The following TMEM170B variants were observed in gnomAD, a reference collection of about 807,000 sequenced individuals.
TMEM170B encodes the protein transmembrane protein 170B.
In TMEM170B, 6 loss-of-function variants were observed where a neutral mutation model predicts 13.0. The observed-to-expected ratio is 0.46, with a 90% CI of 0.25 to 0.91. The LOEUF (loss-of-function observed/expected upper bound fraction) is 0.91. Ranked by LOEUF, TMEM170B falls within the 40% of genes least tolerant of loss-of-function variation. The pLI is 0.17. For missense variants in TMEM170B, 138 were observed against 165.2 expected (o/e 0.84, Z 0.90); for synonymous variants, 61 against 64.9 (o/e 0.94, Z 0.29).
intron 2 of TMEM170B, among the ~76,000 whole-genome samples, chr6:11,571,647 C>T (rs934901961): frequency 2.0e-5 from 3 of 152,080 alleles, no homozygotes; most frequent in African/African-American, 4.8e-5. Flanking sequence ...ATATATTAGC[C>T]TCATAAATCA....
rs1166906983 is a variant in TMEM170B at position 11,580,764 on chromosome 6, A to T, written c.*5203A>T. On this transcript the variant is annotated 3_prime_UTR_variant, in exon 3 of 3. Transcript: ENST00000379426. The stretch of plus-strand genomic sequence containing the variant: ...GGAGAGGTAACACACAAAAACAAAA[A>T]CATATTTGACAAAGCGCCCTACATC... 1.3e-5 allele frequency: 2 copies of T among 152,246 alleles called. No homozygotes were observed. Among genetic ancestry groups the T allele is most frequent in the Non-Finnish European group, 2.9e-5 (2 of 68,036 alleles). The allele number at this position is 152,246 out of a possible 1,614,324, so 9.4% of individuals were successfully genotyped here.
chr6:11,570,687 A>G (rs943298998), intron 2 of TMEM170B, among the ~76,000 whole-genome samples: 1 of 152,188 alleles, frequency 6.6e-6, no homozygotes, highest in Admixed American at 6.5e-5. Context: ...ACTAGTTCAT[A>G]TTTGATCCAA....
At position 11,582,597 on chromosome 6, in the gene TMEM170B, G is replaced by A. The variant is rs985293783; in HGVS notation, c.*7036G>A. On this transcript the variant is annotated 3_prime_UTR_variant, in exon 3 of 3. Coordinates refer to ENST00000379426, the MANE Select transcript of TMEM170B (RefSeq NM_001100829.3). ...AAAAAAATGTAGTTAAGAAAATTAA[G>A]TGTGAGACTTTAAAATTTAGTTTTG... 4 of 152,138 alleles carry A rather than the reference G, an allele frequency of 2.6e-5. No individual in the cohort carries two copies. Among genetic ancestry groups the A allele is most frequent in the African/African-American group, 4.8e-5 (2 of 41,416 alleles). The allele number at this position is 152,138 out of a possible 1,614,324, so 9.4% of individuals were successfully genotyped here.
chr6:11,549,068 T>TATA (rs1031948689), intron 1 of TMEM170B, among the ~76,000 whole-genome samples: 16 of 152,004 alleles, frequency 1.1e-4, no homozygotes, highest in African/African-American at 3.6e-4. Context: ...GAACTTAAAG[T>TATA]ATAATAATAA....
chr6:11,571,383 T>C (rs543839906), intron 2 of TMEM170B, among the ~76,000 whole-genome samples: 1 of 152,292 alleles, frequency 6.6e-6, no homozygotes, highest in South Asian at 2.1e-4. Context: ...TCACTTTTCA[T>C]TGGAATGCTC....
chr6:11,545,138 G>C (rs1759416730), intron 1 of TMEM170B, among the ~76,000 whole-genome samples: 1 of 152,092 alleles, frequency 6.6e-6, no homozygotes, highest in Non-Finnish European at 1.5e-5. Context: ...CTGGGAAAAA[G>C]ATGAGGGCTG....
At chr6:11,565,134 C>T (rs555540531) in intron 1 of TMEM170B, among the ~76,000 whole-genome samples, 58 of 152,132 alleles carry the variant, frequency 3.8e-4, no homozygotes, top group Middle Eastern at 3.4e-3. Flanking sequence ...ACTAAGATGA[C>T]TAGAGGCAAA....
chr6:11,549,577 G>A (rs550302074), intron 1 of TMEM170B, among the ~76,000 whole-genome samples: 1 of 151,866 alleles, frequency 6.6e-6, no homozygotes, highest in Non-Finnish European at 1.5e-5. Context: ...GCAGGAGAAT[G>A]GCATGAACCC....
At chr6:11,563,463 G>A (rs945155305) in intron 1 of TMEM170B, among the ~76,000 whole-genome samples, 1 of 151,766 alleles carries the variant, frequency 6.6e-6, no homozygotes, top group Non-Finnish European at 1.5e-5. Context: ...TTTACCTGGT[G>A]TTAGCATCCA....
At position 11,579,332 on chromosome 6, in the gene TMEM170B, C is replaced by T. The variant is rs1250781978; in HGVS notation, c.*3771C>T. On this transcript the variant is annotated 3_prime_UTR_variant, in exon 3 of 3. Coordinates refer to ENST00000379426, the MANE Select transcript of TMEM170B (RefSeq NM_001100829.3). Reference sequence around the variant, plus strand: ...CTTCTCTGAGCCTCAGTTCATACTCCGTAAAATGTGACTAATACCTCATGT... The same window carrying T: ...CTTCTCTGAGCCTCAGTTCATACTCTGTAAAATGTGACTAATACCTCATGT... 6.6e-6 allele frequency: 1 copy of T among 152,134 alleles called. No individual in the cohort carries two copies. The highest frequency in any genetic ancestry group is 1.5e-5 in the Non-Finnish European group (1 of 68,038). 9.4% of individuals were successfully genotyped at this position (152,134 alleles called of 1,614,324 possible).
intron 1 of TMEM170B, among the ~76,000 whole-genome samples, chr6:11,542,358 AC>A (rs746284525): frequency 3.3e-5 from 5 of 152,200 alleles, no homozygotes; most frequent in Non-Finnish European, 7.4e-5. Context: ...CTGCAAGTCA[AC>A]CATTAAGCTG....
chr6:11,564,269 T>A (rs1759707331), intron 1 of TMEM170B, among the ~76,000 whole-genome samples: 1 of 152,216 alleles, frequency 6.6e-6, no homozygotes, highest in Non-Finnish European at 1.5e-5. Flanking sequence ...AATTGTTGGA[T>A]CATATGGTAG....
rs1759300423 is a variant in TMEM170B, at chr6:11,537,855, T to TCGGGGGCTGCACCTGC, written c.-419_-404dup. 2.0e-5 allele frequency among the ~76,000 whole-genome samples: 3 copies of TCGGGGGCTGCACCTGC among 151,666 alleles called. No homozygotes were observed. The highest frequency in any genetic ancestry group is 4.4e-5 in the Non-Finnish European group (3 of 67,810). The stretch of plus-strand genomic sequence containing the variant: ...TCCGGCGGCGATGAGCTGGGCCCTG[T>TCGGGGGCTGCACCTGC]CGGGGGCTGCACCTGCCGGCTGCCC... On this transcript the variant is annotated 5_prime_UTR_variant, in exon 1 of 3. An upstream open reading frame in the 5' UTR gains an earlier in-frame stop. Transcript: ENST00000379426.
At chr6:11,555,375 G>A (rs749310196) in intron 1 of TMEM170B, among the ~76,000 whole-genome samples, 2 of 152,038 alleles carry the variant, frequency 1.3e-5, no homozygotes, top group East Asian at 1.9e-4. Context: ...ATGTGTGTGC[G>A]TGGTTTATTT....
chr6:11,550,873 A>G (rs1176719301), intron 1 of TMEM170B, among the ~76,000 whole-genome samples: 1 of 152,242 alleles, frequency 6.6e-6, no homozygotes, highest in East Asian at 1.9e-4. Flanking sequence ...AGAGATACAA[A>G]GATAAATACA....
chr6:11,574,396 A>G (rs1430090390), intron 2 of TMEM170B, among the ~76,000 whole-genome samples: 1 of 152,186 alleles, frequency 6.6e-6, no homozygotes, highest in African/African-American at 2.4e-5. Context: ...TGAAGTACAA[A>G]TAATTAATCT....
intron 1 of TMEM170B, among the ~76,000 whole-genome samples, chr6:11,559,868 G>A (rs973889159): frequency 7.2e-5 from 11 of 151,800 alleles, no homozygotes; most frequent in Non-Finnish European, 1.5e-4. Flanking sequence ...GGTATTTTCA[G>A]CTTGATTTCT....
chr6:11,555,241 A>G (rs1759572775), intron 1 of TMEM170B, among the ~76,000 whole-genome samples: 1 of 152,060 alleles, frequency 6.6e-6, no homozygotes, highest in Non-Finnish European at 1.5e-5. Context: ...AATTTCTGAT[A>G]AGAAGTTTCC....
chr6:11,561,484 T>C (rs1024138337), intron 1 of TMEM170B, among the ~76,000 whole-genome samples: 6 of 152,206 alleles, frequency 3.9e-5, no homozygotes, highest in Admixed American at 2.6e-4. Flanking sequence ...TGCGGTTCTC[T>C]TCACCTGAAC....
Sources: allele counts gnomAD v4.1 joint callset (sites outside exome capture counted in the v4.1 genomes callset), GRCh38; gene constraint gnomAD v4.1.1; transcripts MANE v1.5; gene names NCBI Gene and HGNC (gene_info 2026-07-23, HGNC 2026-07-21).